The following NFATC1 variants were observed in gnomAD, a reference collection of about 807,000 sequenced individuals.
The protein encoded by NFATC1 is nuclear factor of activated T-cells, cytoplasmic 1.
A neutral mutation model predicts 76.0 loss-of-function variants in NFATC1; 22 were observed. The observed-to-expected ratio is 0.29, with a 90% confidence interval of 0.21 to 0.41. The LOEUF (loss-of-function observed/expected upper bound fraction) is 0.41, where lower values mean the gene tolerates loss of function less well. Ranked by LOEUF, NFATC1 falls within the 10% of genes least tolerant of loss-of-function variation. The pLI, the probability that NFATC1 is intolerant of heterozygous loss-of-function variation, is 1.00. For missense variants in NFATC1, 1,357 were observed against 1,337.7 expected, an observed-to-expected ratio of 1.01 and a Z score of -0.23; for synonymous variants, 704 against 613.1, an observed-to-expected ratio of 1.15 and a Z score of -2.19.
At chr18:79,455,560 T>C (rs2087662635) in intron 6 of NFATC1, among the ~76,000 whole-genome samples, 1 of 152,130 alleles carries the variant, frequency 6.6e-6, no homozygotes, top group Non-Finnish European at 1.5e-5. Flanking sequence ...CCAGGGGCCC[T>C]GCCCTGGTTC....
chr18:79,396,996 A>C (rs139562982), intron 1 of NFATC1, among the ~76,000 whole-genome samples: 279 of 152,318 alleles, frequency 1.8e-3, no homozygotes, highest in Middle Eastern at 6.8e-3. Context: ...GTTTCAGGCA[A>C]GTTTGAAAAG....
intron 9 of NFATC1, chr18:79,496,725 G>A (rs11664996): frequency 0.064 from 9,728 of 152,362 alleles, 412 homozygotes; most frequent in Admixed American, 0.097. Flanking sequence ...CCAGCAAACG[G>A]AAGACCCAGA....
At chr18:79,476,276 A>G (rs6506771) in intron 8 of NFATC1, among the ~76,000 whole-genome samples, 94,152 of 152,040 alleles carry the variant, frequency 0.62, 29,158 homozygotes, top group Middle Eastern at 0.64. Flanking sequence ...CTGCTGCCCC[A>G]CCGTGGCTCT....
At chr18:79,453,324 C>T (rs1600760128) in intron 6 of NFATC1, among the ~76,000 whole-genome samples, 1 of 152,214 alleles carries the variant, frequency 6.6e-6, no homozygotes, top group Non-Finnish European at 1.5e-5. Context: ...CTTGGCAGAG[C>T]CTCCCCCCGA....
chr18:79,410,519 C>T lies in NFATC1; in HGVS notation c.244C>T (p.Pro82Ser). Reference sequence around the variant, plus strand: ...GACCTCCACACCGGGCATCATCCCGCCGGCGGATCACCCCTCGGGGTACGG... The same window carrying T: ...GACCTCCACACCGGGCATCATCCCGTCGGCGGATCACCCCTCGGGGTACGG... Reference protein sequence around the residue: ...LQTSTPGIIPPADHPSGYGAA... With the variant: ...LQTSTPGIIPSADHPSGYGAA... Residue 82 changes from proline (P) to serine (S), a missense_variant, in exon 2 of 10, where the codon CCG (proline) becomes TCG (serine). By Grantham distance (74) the Pro-to-Ser change is moderately conservative (BLOSUM62 -1). This residue lies in a region of NFATC1 where 691 missense variants were observed against 613.1 expected (regional missense o/e 1.13). Coordinates refer to ENST00000427363, the MANE Select transcript of NFATC1 (RefSeq NM_001278669.2). The surrounding 1 kb of genome is among the most constrained non-coding windows in gnomAD (Gnocchi z 6.7). 6.2e-7 allele frequency: 1 copy of T among 1,611,926 alleles called. No homozygotes were observed. The highest frequency in any genetic ancestry group is 8.5e-7 in the Non-Finnish European group (1 of 1,179,982).
At chr18:79,491,778 GGA>G (rs1569027236) in intron 9 of NFATC1, among the ~76,000 whole-genome samples, 2 of 152,202 alleles carry the variant, frequency 1.3e-5, no homozygotes, top group Admixed American at 1.3e-4. Flanking sequence ...CTGCGTGCGG[GGA>G]GAGGGGGAGA....
At position 79,410,756 on chromosome 18, in the gene NFATC1, A is replaced by G; in HGVS notation, c.481A>G (p.Ser161Gly). The change falls in exon 2 of 10, where the codon AGC becomes GGC. Residue 161 changes from serine (S) to glycine (G), a missense_variant. By Grantham distance (56) the Ser-to-Gly change is moderately conservative. Transcript: ENST00000427363. This position sits in a 1 kb window ranked among gnomAD's most constrained non-coding sequence, Gnocchi z 6.7. ...CTCCACGGCCACGCTGAGTCTGCCC[A>G]GCCTGGAGGCCTACAGAGACCCCTC... Reference protein sequence around the residue: ...SPSTATLSLPSLEAYRDPSCL... With the variant: ...SPSTATLSLPGLEAYRDPSCL... 6.2e-7 allele frequency: 1 copy of G among 1,613,024 alleles called. No individual in the cohort carries two copies. The highest frequency in any genetic ancestry group is 1.1e-5 in the South Asian group (1 of 91,078).
intron 3 of NFATC1, among the ~76,000 whole-genome samples, chr18:79,445,085 C>G (rs1168133065): frequency 6.6e-6 from 1 of 152,232 alleles, no homozygotes; most frequent in African/African-American, 2.4e-5. Context: ...TTGGGGTGCT[C>G]CCTTCGACTA....
chr18:79,499,244 T>C (rs185178797), intron 9 of NFATC1, among the ~76,000 whole-genome samples: 62 of 152,358 alleles, frequency 4.1e-4, no homozygotes, highest in Non-Finnish European at 6.9e-4. Flanking sequence ...GCAAAGTCTT[T>C]ACATATTATT....
At chr18:79,462,819 C>T (rs1408570268) in intron 7 of NFATC1, among the ~76,000 whole-genome samples, 1 of 140,156 alleles carries the variant, frequency 7.1e-6, no homozygotes, top group Non-Finnish European at 1.6e-5. Context: ...AGTGTGTGTC[C>T]CTGCGGGTCG....
chr18:79,411,932 C>A (rs1229733894), intron 2 of NFATC1, among the ~76,000 whole-genome samples: 4 of 152,188 alleles, frequency 2.6e-5, no homozygotes, highest in African/African-American at 9.6e-5. Context: ...ACGTGCCTGG[C>A]CCCCCTCGGT....
chr18:79,400,648 G>C (rs2085173791), intron 1 of NFATC1, among the ~76,000 whole-genome samples: 1 of 148,010 alleles, frequency 6.8e-6, no homozygotes, highest in Non-Finnish European at 1.5e-5. Context: ...TCCTGGGCTC[G>C]GATGCGGTTC....
At chr18:79,457,090 C>T (rs1169725386) in intron 6 of NFATC1, among the ~76,000 whole-genome samples, 1 of 152,264 alleles carries the variant, frequency 6.6e-6, no homozygotes, top group Non-Finnish European at 1.5e-5. Flanking sequence ...ACAGACATCA[C>T]TGTCGCCGTG....
intron 9 of NFATC1, among the ~76,000 whole-genome samples, chr18:79,501,067 A>G (rs1249614729): frequency 6.6e-6 from 1 of 152,172 alleles, no homozygotes; most frequent in African/African-American, 2.4e-5. Flanking sequence ...ACACAGGAGC[A>G]AAAATCCACA....
At chr18:79,498,521 G>A (rs2089948498) in intron 9 of NFATC1, among the ~76,000 whole-genome samples, 1 of 152,160 alleles carries the variant, frequency 6.6e-6, no homozygotes, top group Admixed American at 6.5e-5. Flanking sequence ...CAATAAAAAT[G>A]AACAAAGCCT....
At chr18:79,428,665 G>A (rs2144636202) in intron 2 of NFATC1, among the ~76,000 whole-genome samples, 1 of 152,304 alleles carries the variant, frequency 6.6e-6, no homozygotes, top group South Asian at 2.1e-4. Context: ...AAGCTAAAAT[G>A]CTCAAAATGT....
intron 9 of NFATC1, 193 bp from the exon 10 acceptor site, chr18:79,527,335 C>T: frequency 1.8e-6 from 1 of 571,232 alleles, no homozygotes; most frequent in Non-Finnish European, 3.1e-6. Context: ...GCGACCCCAG[C>T]TCTCTGCCGA....
chr18:79,479,335 G>T (rs1420239050), intron 8 of NFATC1, among the ~76,000 whole-genome samples: 1 of 152,108 alleles, frequency 6.6e-6, no homozygotes, highest in Non-Finnish European at 1.5e-5. Flanking sequence ...GGCCTGTGCG[G>T]CCCCCTCCAC....
rs111606370 is a variant in NFATC1 at position 79,518,421 on chromosome 18, G to A, written c.2783-9107G>A. 3.3e-3 allele frequency among the ~76,000 whole-genome samples: 508 copies of A among 152,288 alleles called. 2 individuals are homozygous for A. The highest frequency in any genetic ancestry group is 0.012 in the African/African-American group (479 of 41,542). ...CAGTGTAAAGGGCGATGGAGCCCCC[G>A]GGCCCAGCATGTTTCGCGCTGCCTG... On this transcript the variant is annotated intron_variant, in intron 9 of 9. Transcript: ENST00000427363.
Sources: allele counts gnomAD v4.1 joint callset (sites outside exome capture counted in the v4.1 genomes callset), GRCh38; gene constraint gnomAD v4.1.1; regional missense constraint gnomAD v4.1.1; non-coding constraint Gnocchi (gnomAD v3.1); transcripts MANE v1.5; gene names NCBI Gene and HGNC (gene_info 2026-07-23, HGNC 2026-07-21).